The following ASPRV1 variants were observed in gnomAD, a reference collection of about 807,000 sequenced individuals.
The protein encoded by ASPRV1 is retroviral-like aspartic protease 1.
A neutral mutation model predicts 11.0 loss-of-function variants in ASPRV1; 7 were observed. That is an observed-to-expected ratio of 0.64 (90% CI 0.36 to 1.20). The LOEUF (loss-of-function observed/expected upper bound fraction) is 1.20, where lower values mean the gene tolerates loss of function less well. ASPRV1 is among the 50% of genes most tolerant of loss of function. The pLI is 0.02. For missense variants in ASPRV1, 299 were observed against 320.0 expected, an observed-to-expected ratio of 0.93 and a Z score of 0.50; for synonymous variants, 136 against 138.4, an observed-to-expected ratio of 0.98 and a Z score of 0.12.
chr2:70,047,574 G>A, the ASPRV1 span, among the ~76,000 whole-genome samples: 2 of 152,222 alleles, frequency 1.3e-5, no homozygotes, highest in African/African-American at 4.8e-5. Flanking sequence ...AAAGTGGGAA[G>A]TATAAAACCA....
the ASPRV1 span, among the ~76,000 whole-genome samples, chr2:69,946,379 TA>T: frequency 0.04 from 6,112 of 152,118 alleles, 416 homozygotes; most frequent in African/African-American, 0.14. Context: ...ACTCCACCCT[TA>T]ACACCCTCGG....
the ASPRV1 span, among the ~76,000 whole-genome samples, chr2:69,934,969 AC>A: frequency 6.6e-6 from 1 of 152,244 alleles, no homozygotes; most frequent in East Asian, 1.9e-4. Flanking sequence ...TAAATAAAAA[AC>A]ATCCCAAGTC....
chr2:69,963,036 A>G (rs923466141), upstream of ASPRV1: 1 of 343,606 alleles, frequency 2.9e-6, no homozygotes, highest in African/African-American at 2.2e-5. Context: ...TCAGCTCCCT[A>G]TGCCATGCAT....
At chr2:69,949,958 G>C in the ASPRV1 span, among the ~76,000 whole-genome samples, 1 of 152,146 alleles carries the variant, frequency 6.6e-6, no homozygotes, top group African/African-American at 2.4e-5. Flanking sequence ...TGGGATTACA[G>C]GCGTCTGCCA....
At chr2:69,955,415 G>A (rs555108844), downstream of ASPRV1, among the ~76,000 whole-genome samples, 154 of 152,346 alleles carry the variant, frequency 1.0e-3, no homozygotes, top group African/African-American at 3.2e-3. Context: ...CAGCAGCTGC[G>A]CTCGGCTTCC....
the ASPRV1 span, chr2:70,049,513 G>A: frequency 6.6e-6 from 1 of 152,102 alleles, no homozygotes; most frequent in Non-Finnish European, 1.5e-5. Flanking sequence ...CAGAGCTAGA[G>A]CACATGTTTA....
chr2:70,079,089 G>A, the ASPRV1 span, among the ~76,000 whole-genome samples: 1 of 152,184 alleles, frequency 6.6e-6, no homozygotes, highest in African/African-American at 2.4e-5. Context: ...GGACCTTCCA[G>A]AGATGCAGAT....
At position 69,961,448 on chromosome 2, in the gene ASPRV1, C is replaced by T. The variant is rs1197193021; in HGVS notation, c.-12G>A. The T allele has an allele frequency of 1.9e-6, 3 of 1,614,120 alleles. No individual in the cohort carries two copies. The highest frequency in any genetic ancestry group is 1.7e-5 in the Admixed American group (1 of 60,034). The stretch of plus-strand genomic sequence containing the variant: ...CCGCTCCCGGCCATCCTGCTGCTCT[C>T]CTCTGGAACCTCAGCAGCAACCCAC... On this transcript the variant is annotated 5_prime_UTR_variant, in exon 1 of 1. Transcript: ENST00000320256.
chr2:70,041,265 T>C, the ASPRV1 span, among the ~76,000 whole-genome samples: 2 of 152,176 alleles, frequency 1.3e-5, no homozygotes, highest in African/African-American at 2.4e-5. Context: ...TCATCAGAAG[T>C]CTTAGAGATT....
chr2:70,039,809 T>C, the ASPRV1 span, among the ~76,000 whole-genome samples: 1 of 152,228 alleles, frequency 6.6e-6, no homozygotes, highest in Non-Finnish European at 1.5e-5. Context: ...AACCTTTAAT[T>C]GTTCTTGAAT....
At chr2:69,971,445 G>A in the ASPRV1 span, among the ~76,000 whole-genome samples, 1 of 152,136 alleles carries the variant, frequency 6.6e-6, no homozygotes, top group African/African-American at 2.4e-5. Context: ...AGGGATCAAT[G>A]TGATTAGAAT....
the ASPRV1 span, among the ~76,000 whole-genome samples, chr2:69,980,080 G>A: frequency 6.2e-3 from 948 of 152,314 alleles, 10 homozygotes; most frequent in African/African-American, 0.021. Context: ...GCAGGCCTCC[G>A]AGGGAGAAAC....
At chr2:69,933,238 TTAGTC>T in the ASPRV1 span, among the ~76,000 whole-genome samples, 1 of 140,930 alleles carries the variant, frequency 7.1e-6, no homozygotes, top group Admixed American at 7.4e-5. Flanking sequence ...AAAAAGAAAA[TTAGTC>T]TATAAGTTTT....
At chr2:70,082,502 G>T in the ASPRV1 span, among the ~76,000 whole-genome samples, 497 of 152,240 alleles carry the variant, frequency 3.3e-3, 1 homozygote, top group African/African-American at 0.011. Flanking sequence ...CCTGAGGTCA[G>T]GAGTTCGAGG....
the ASPRV1 span, among the ~76,000 whole-genome samples, chr2:70,079,044 C>A: frequency 6.6e-6 from 1 of 152,116 alleles, no homozygotes; most frequent in African/African-American, 2.4e-5. Flanking sequence ...TCTATATATT[C>A]AATACACAGA....
In ASPRV1 at chr2:69,961,615, G is replaced by C. The variant is rs1558581619; in HGVS notation, c.-179C>G. The stretch of plus-strand genomic sequence containing the variant: ...GGTCGGCTGGCTGACTGCTGGGGCA[G>C]AGGCAGGCAGTGCTGTGGCCTGTTC... On this transcript the variant is annotated 5_prime_UTR_variant, in exon 1 of 1. Coordinates refer to ENST00000320256, the MANE Select transcript of ASPRV1 (RefSeq NM_152792.4). The C allele has an allele frequency of 2.5e-6, 4 of 1,609,554 alleles. No individual in the cohort carries two copies. The highest frequency in any genetic ancestry group is 3.4e-6 in the Non-Finnish European group (4 of 1,177,378).
At chr2:70,066,749 C>CAGCA in the ASPRV1 span, among the ~76,000 whole-genome samples, 1 of 152,078 alleles carries the variant, frequency 6.6e-6, no homozygotes, top group Non-Finnish European at 1.5e-5. Flanking sequence ...AGATGTTCAC[C>CAGCA]AGCACCACAC....
the ASPRV1 span, among the ~76,000 whole-genome samples, chr2:70,024,089 A>T: frequency 2.0e-5 from 2 of 102,474 alleles, no homozygotes; most frequent in African/African-American, 5.0e-5. Flanking sequence ...CGTCACTATT[A>T]AAAAAAAAAA....
chr2:70,075,786 T>A, the ASPRV1 span, among the ~76,000 whole-genome samples: 1 of 151,914 alleles, frequency 6.6e-6, no homozygotes, highest in African/African-American at 2.4e-5. Flanking sequence ...GAGGCGGAGG[T>A]TGCGGTGAGG....
Sources: allele counts gnomAD v4.1 joint callset (sites outside exome capture counted in the v4.1 genomes callset), GRCh38; gene constraint gnomAD v4.1.1; transcripts MANE v1.5; gene names NCBI Gene and HGNC (gene_info 2026-07-23, HGNC 2026-07-21).